The following MSRA variants were observed in gnomAD, a reference collection of about 807,000 sequenced individuals.
The protein encoded by MSRA is mitochondrial peptide methionine sulfoxide reductase.
Under a neutral mutation model 31.3 loss-of-function variants are expected in MSRA, and 54 were observed. The observed-to-expected ratio is 1.73, with a 90% CI of 1.39 to 2.17. The LOEUF is 2.17. MSRA is among the 30% of genes most tolerant of loss of function. The pLI is 0.00. For missense variants in MSRA, 507 were observed against 300.9 expected, an observed-to-expected ratio of 1.69 and a Z score of -5.07; for synonymous variants, 169 against 116.5, an observed-to-expected ratio of 1.45 and a Z score of -2.90.
intron 3 of MSRA, among the ~76,000 whole-genome samples, chr8:10,294,194 C>G (rs796869910): frequency 8.5e-5 from 13 of 152,216 alleles, no homozygotes; most frequent in African/African-American, 2.9e-4. Flanking sequence ...GAGTGAGACT[C>G]CTCTATCTCT....
chr8:10,082,562 T>C (rs1798348961), intron 1 of MSRA, among the ~76,000 whole-genome samples: 1 of 152,202 alleles, frequency 6.6e-6, no homozygotes, highest in South Asian at 2.1e-4. Context: ...TCTCATCTGT[T>C]ACTTCCAAAT....
chr8:10,110,505 C>T lies in MSRA; in HGVS notation c.142+55847C>T, dbSNP rs769307232. On this transcript the variant is annotated intron_variant, in intron 1 of 5. Transcript: ENST00000317173. ...GGAGAAACAGTGCAAACAAGACCAC[C>T]GCTTCCTATTTGTGTCATTGTCTGG... 8.5e-5 allele frequency among the ~76,000 whole-genome samples: 13 copies of T among 152,278 alleles called. No homozygotes were observed. In the South Asian group the frequency reaches 1.5e-3, roughly 17 times the overall value.
chr8:10,287,999 A>G (rs1007042917), intron 3 of MSRA, among the ~76,000 whole-genome samples: 7 of 152,050 alleles, frequency 4.6e-5, no homozygotes, highest in Non-Finnish European at 1.0e-4. Flanking sequence ...CATCCCAGAG[A>G]GTGCTCAGAG....
chr8:10,415,728 A>G (rs566909491), intron 5 of MSRA, among the ~76,000 whole-genome samples: 3 of 151,810 alleles, frequency 2.0e-5, no homozygotes, highest in Non-Finnish European at 4.4e-5. Flanking sequence ...CGGACCTGTC[A>G]GCACCCTCAG....
chr8:10,305,785 A>G (rs1270880279), intron 4 of MSRA, among the ~76,000 whole-genome samples: 1 of 152,152 alleles, frequency 6.6e-6, no homozygotes, highest in Admixed American at 6.5e-5. Context: ...TTTTTAAGGT[A>G]TAGGTGAGGC....
intron 3 of MSRA, among the ~76,000 whole-genome samples, chr8:10,246,434 C>T (rs1179532244): frequency 6.6e-6 from 1 of 152,148 alleles, no homozygotes; most frequent in Non-Finnish European, 1.5e-5. Flanking sequence ...TTATATTCAC[C>T]ATTTTAAGAG....
intron 1 of MSRA, among the ~76,000 whole-genome samples, chr8:10,069,537 A>G (rs1023933602): frequency 7.9e-5 from 12 of 152,252 alleles, no homozygotes; most frequent in African/African-American, 2.9e-4. Context: ...CAGCAAGTTC[A>G]GTTGTCTGCT....
At chr8:10,126,376 A>C (rs1801496001) in intron 1 of MSRA, among the ~76,000 whole-genome samples, 2 of 152,216 alleles carry the variant, frequency 1.3e-5, no homozygotes, top group Non-Finnish European at 2.9e-5. Context: ...CATCCTCTAG[A>C]ACAGCAGTTC....
At chr8:10,096,742 A>T (rs1042490787) in intron 1 of MSRA, among the ~76,000 whole-genome samples, 6 of 152,102 alleles carry the variant, frequency 3.9e-5, no homozygotes, top group Non-Finnish European at 1.5e-5. Context: ...ATTAGGCCTG[A>T]TTATGATTGG....
chr8:10,417,221 G>A (rs1056383062), intron 5 of MSRA, among the ~76,000 whole-genome samples: 1 of 152,080 alleles, frequency 6.6e-6, no homozygotes, highest in Non-Finnish European at 1.5e-5. Context: ...GCTCCGATGG[G>A]GGCTTGTAAA....
chr8:10,258,488 G>T (rs1563278532), intron 3 of MSRA, among the ~76,000 whole-genome samples: 1 of 152,138 alleles, frequency 6.6e-6, no homozygotes, highest in South Asian at 2.1e-4. Flanking sequence ...ACCTGGAGCA[G>T]GCCTTGCTCT....
At chr8:10,063,831 A>T (rs1225907147) in intron 1 of MSRA, among the ~76,000 whole-genome samples, 4 of 152,210 alleles carry the variant, frequency 2.6e-5, no homozygotes, top group African/African-American at 9.6e-5. Context: ...CTGCCAGGTT[A>T]TGGTAAATTG....
chr8:10,115,934 G>A (rs957447548), intron 1 of MSRA, among the ~76,000 whole-genome samples: 1 of 152,188 alleles, frequency 6.6e-6, no homozygotes, highest in African/African-American at 2.4e-5. Context: ...CCAGGTTGTG[G>A]TGGGGACCAT....
At chr8:10,081,740 T>G (rs1478133310) in intron 1 of MSRA, among the ~76,000 whole-genome samples, 1 of 152,168 alleles carries the variant, frequency 6.6e-6, no homozygotes, top group Admixed American at 6.5e-5. Context: ...TCTGCCTGCC[T>G]CGGCCTCCCA....
At chr8:10,286,984 C>T (rs775016559) in intron 3 of MSRA, among the ~76,000 whole-genome samples, 6 of 152,206 alleles carry the variant, frequency 3.9e-5, no homozygotes, top group African/African-American at 7.2e-5. Flanking sequence ...TTAAGCGATT[C>T]GTCCAAATCA....
intron 3 of MSRA, among the ~76,000 whole-genome samples, chr8:10,278,337 C>A (rs767552812): frequency 1.3e-5 from 2 of 152,184 alleles, no homozygotes; most frequent in Non-Finnish European, 2.9e-5. Flanking sequence ...TGGAATTGGA[C>A]CACCTGCCAT....
intron 5 of MSRA, among the ~76,000 whole-genome samples, chr8:10,408,067 C>T (rs565373273): frequency 2.6e-5 from 4 of 152,114 alleles, no homozygotes; most frequent in Non-Finnish European, 5.9e-5. Flanking sequence ...AGAGTAATCA[C>T]GAGACCAGGA....
At chr8:10,324,959 A>G (rs17151763) in intron 5 of MSRA, among the ~76,000 whole-genome samples, 24,531 of 152,238 alleles carry the variant, frequency 0.16, 2,378 homozygotes, top group African/African-American at 0.26. Flanking sequence ...GCAAGAGACA[A>G]GAGGCACATG....
chr8:10,320,044 G>A (rs1467134073), intron 5 of MSRA, 55 bp downstream of exon 5: 2 of 1,211,464 alleles, frequency 1.7e-6, no homozygotes, highest in African/African-American at 1.5e-5. Flanking sequence ...CTAGGGCCAG[G>A]TTCTGATTTT....
Sources: allele counts gnomAD v4.1 joint callset (sites outside exome capture counted in the v4.1 genomes callset), GRCh38; gene constraint gnomAD v4.1.1; transcripts MANE v1.5; gene names NCBI Gene and HGNC (gene_info 2026-07-23, HGNC 2026-07-21).